The following ROPN1L variants were observed in gnomAD, a reference collection of about 807,000 sequenced individuals.
ROPN1L encodes the protein ropporin-1-like protein.
ROPN1L carries 23 observed loss-of-function variants against 22.7 expected under a neutral mutation model. That is an observed-to-expected ratio of 1.01 (90% CI 0.73 to 1.43). ROPN1L has a LOEUF of 1.43. ROPN1L is among the 40% of genes most tolerant of loss of function. ROPN1L has a pLI of 0.00. For synonymous variants in ROPN1L, 116 were observed against 117.8 expected, an observed-to-expected ratio of 0.98 and a Z score of 0.10; for missense variants, 271 against 291.5, an observed-to-expected ratio of 0.93 and a Z score of 0.51.
downstream of ROPN1L, among the ~76,000 whole-genome samples, chr5:10,465,623 G>C (rs997199854): frequency 6.6e-6 from 1 of 152,054 alleles, no homozygotes; most frequent in Non-Finnish European, 1.5e-5. Flanking sequence ...GCTAAGGTGG[G>C]AGGATCACTT....
intron 4 of ROPN1L, among the ~76,000 whole-genome samples, chr5:10,463,026 A>T (rs1056951768): frequency 1.3e-4 from 20 of 152,238 alleles, no homozygotes; most frequent in Non-Finnish European, 2.9e-4. Flanking sequence ...ATGCAGGATC[A>T]TTTGCAGAAA....
At chr5:10,455,655 C>CT (rs1741394302) in intron 3 of ROPN1L, among the ~76,000 whole-genome samples, 1 of 152,372 alleles carries the variant, frequency 6.6e-6, no homozygotes, top group South Asian at 2.1e-4. Context: ...TGAACTGCTC[C>CT]TTCCCATTCA....
At chr5:10,481,065 A>T in the ROPN1L span, among the ~76,000 whole-genome samples, 2 of 152,232 alleles carry the variant, frequency 1.3e-5, no homozygotes, top group East Asian at 3.9e-4. Flanking sequence ...AGGGTCTGAG[A>T]TTTTACCTAC....
intron 3 of ROPN1L, among the ~76,000 whole-genome samples, chr5:10,460,938 T>C (rs1170996454): frequency 6.6e-6 from 1 of 152,260 alleles, no homozygotes; most frequent in African/African-American, 2.4e-5. Flanking sequence ...ATTTCTATTT[T>C]AATAGAAAAT....
At chr5:10,476,044 T>C (rs1399261227), downstream of ROPN1L, among the ~76,000 whole-genome samples, 3 of 152,222 alleles carry the variant, frequency 2.0e-5, no homozygotes, top group Non-Finnish European at 4.4e-5. Flanking sequence ...GCCATTGTCT[T>C]AAGGCCCATA....
rs762799656 is a variant in ROPN1L at position 10,450,004 on chromosome 5, A to C, written c.308A>C (p.Asn103Thr). The C allele has an allele frequency of 2.5e-6, 4 of 1,613,928 alleles. No homozygotes were observed. The highest frequency in any genetic ancestry group is 3.4e-6 in the Non-Finnish European group (4 of 1,179,932). Residue 103 changes from asparagine to threonine, a missense_variant, in exon 3 of 5, where the codon AAC becomes ACC. Transcript: ENST00000274134. Reference protein sequence around the residue: ...ELTDLEQKWKNLCLPKEKFKA... With the variant: ...ELTDLEQKWKTLCLPKEKFKA... ...ACAGATCTTGAGCAGAAGTGGAAGA[A>C]CTTGTGCCTGCCGAAGGAAAAATTC...
downstream of ROPN1L, among the ~76,000 whole-genome samples, chr5:10,476,064 G>C (rs2126487450): frequency 6.6e-6 from 1 of 152,348 alleles, no homozygotes; most frequent in African/African-American, 2.4e-5. Context: ...ACTTAGGAGT[G>C]GTGTCTATTA....
At chr5:10,470,776 G>A (rs893170567) in intron 4 of ROPN1L, among the ~76,000 whole-genome samples, 1 of 152,244 alleles carries the variant, frequency 6.6e-6, no homozygotes, top group African/African-American at 2.4e-5. Flanking sequence ...CATCCATGAA[G>A]TGCCCTGGCC....
chr5:10,479,927 A>G, the ROPN1L span, among the ~76,000 whole-genome samples: 1 of 152,236 alleles, frequency 6.6e-6, no homozygotes, highest in African/African-American at 2.4e-5. Flanking sequence ...TCTTTTTAGC[A>G]GAGACGGGGT....
chr5:10,453,369 G>C (rs1267362473), intron 3 of ROPN1L, among the ~76,000 whole-genome samples: 3 of 152,284 alleles, frequency 2.0e-5, no homozygotes, highest in Non-Finnish European at 4.4e-5. Flanking sequence ...TCCAGGCCTT[G>C]GTGTGGACAG....
chr5:10,468,419 C>A (rs1285841492), downstream of ROPN1L, among the ~76,000 whole-genome samples: 1 of 152,184 alleles, frequency 6.6e-6, no homozygotes, highest in Non-Finnish European at 1.5e-5. Context: ...AAGGAAAACA[C>A]GTTCCCTATT....
At chr5:10,461,726 A>G (rs555219211) in intron 4 of ROPN1L, among the ~76,000 whole-genome samples, 134 of 152,326 alleles carry the variant, frequency 8.8e-4, no homozygotes, top group African/African-American at 3.0e-3. Context: ...GCTCTAAATC[A>G]GGGTTCCCAC....
chr5:10,444,010 A>T (rs1740975252), intron 1 of ROPN1L, among the ~76,000 whole-genome samples: 1 of 152,152 alleles, frequency 6.6e-6, no homozygotes, highest in Non-Finnish European at 1.5e-5. Flanking sequence ...ATGGACCTGG[A>T]TACCTTTGGG....
intron 4 of ROPN1L, among the ~76,000 whole-genome samples, chr5:10,464,237 C>T (rs1014176095): frequency 1.3e-5 from 2 of 152,224 alleles, no homozygotes; most frequent in Non-Finnish European, 2.9e-5. Flanking sequence ...CTCCAACCCT[C>T]CTGTCCTCGT....
intron 3 of ROPN1L, among the ~76,000 whole-genome samples, chr5:10,455,424 G>T (rs1741386169): frequency 6.6e-6 from 1 of 152,234 alleles, no homozygotes; most frequent in African/African-American, 2.4e-5. Flanking sequence ...TTAGGAAGCT[G>T]TCCCTGAAGA....
chr5:10,448,177 T>G, intron 1 of ROPN1L, 83 bp from the exon 2 acceptor site: 8 of 1,505,270 alleles, frequency 5.3e-6, no homozygotes, highest in Non-Finnish European at 7.3e-6. Context: ...TCACCGTTGT[T>G]TTGGGGGGTT....
Position 10,448,113 on chromosome 5 carries a change from G to T in ROPN1L, c.132-147G>T, listed in dbSNP as rs1741131526. On this transcript the variant is annotated intron_variant, in intron 1 of 4. Transcript: ENST00000274134. Reference sequence around the variant, plus strand: ...AGAAGGTTAAGTCAGAGAACCAAGTGGAGGAACCAGGACATAAGCCCGGGA... The same window carrying T: ...AGAAGGTTAAGTCAGAGAACCAAGTTGAGGAACCAGGACATAAGCCCGGGA... 6.0e-6 allele frequency: 5 copies of T among 833,134 alleles called. No individual in the cohort carries two copies. In the South Asian group the frequency reaches 8.5e-5, roughly 14 times the overall value. 51.6% of individuals were successfully genotyped at this position (833,134 alleles called of 1,614,324 possible).
At chr5:10,474,840 C>CT (rs1159261582), downstream of ROPN1L, among the ~76,000 whole-genome samples, 6 of 152,156 alleles carry the variant, frequency 3.9e-5, no homozygotes, top group Non-Finnish European at 5.9e-5. Context: ...TGATTTTGTG[C>CT]TTTTTTGCTG....
At chr5:10,450,235 C>T in intron 3 of ROPN1L, 122 bp downstream of exon 3, 1 of 729,276 alleles carries the variant, frequency 1.4e-6, no homozygotes. Context: ...AAGCATTTCC[C>T]CCTGCTCCAG....
Sources: gnomAD v4.1 joint callset for allele counts (sites outside exome capture counted in the v4.1 genomes callset) on GRCh38, gnomAD v4.1.1 for gene constraint, MANE v1.5 for transcripts, NCBI Gene and HGNC (gene_info 2026-07-23, HGNC 2026-07-21) for gene names.